Variants in INTS10 observed in about 807,000 individuals in gnomAD.
INTS10 encodes integrator complex subunit 10, also known as chromosome 8 open reading frame 35.
In INTS10, 44 loss-of-function variants were observed where a neutral mutation model predicts 94.4. The ratio of observed to expected loss-of-function variants is 0.47; its 90% CI spans 0.37 to 0.60. The LOEUF is 0.60. INTS10 is among the 20% of genes least tolerant of loss of function. The pLI is 0.00. For missense variants in INTS10, 797 were observed against 868.7 expected, an observed-to-expected ratio of 0.92 and a Z score of 1.04; for synonymous variants, 341 against 320.7, an observed-to-expected ratio of 1.06 and a Z score of -0.68.
At chr8:19,818,498 A>G (rs80016347) in intron 2 of INTS10, 156 bp downstream of exon 2, 10,305 of 655,576 alleles carry the variant, frequency 0.016, 134 homozygotes, top group Middle Eastern at 0.044. Flanking sequence ...CCTGCCATAA[A>G]TTGCTGACAT....
In INTS10 at chr8:19,820,436, A is replaced by G; in HGVS notation, c.359A>G (p.Glu120Gly). The G allele has an allele frequency of 1.9e-6, 3 of 1,613,782 alleles. No homozygotes were observed. Among genetic ancestry groups the G allele is most frequent in the Non-Finnish European group, 2.5e-6 (3 of 1,179,670 alleles). Residue 120 changes from glutamate to glycine, a missense_variant, in exon 4 of 17, where the codon GAA becomes GGA. Glu to Gly is a moderately conservative substitution (Grantham distance 98). Coordinates refer to ENST00000397977, the MANE Select transcript of INTS10 (RefSeq NM_018142.4). ...VQCEMLLKVTEQCFNTLERSE... is the reference protein window; with the variant it reads ...VQCEMLLKVTGQCFNTLERSE... The stretch of plus-strand genomic sequence containing the variant: ...TGTGAAATGTTACTAAAGGTCACGG[A>G]ACAATGCTTCAACACGTTAGAACGA...
chr8:19,832,532 T>G (rs1294894027), intron 11 of INTS10, among the ~76,000 whole-genome samples: 1 of 152,132 alleles, frequency 6.6e-6, no homozygotes, highest in Non-Finnish European at 1.5e-5. Flanking sequence ...ATAGCGCCAC[T>G]GCACCCCAGC....
rs2068599396 is a variant in INTS10, at chr8:19,846,479, G to T, written c.1976+682G>T. Among the ~76,000 whole-genome samples, 2 of 151,736 alleles carry T rather than the reference G, an allele frequency of 1.3e-5. No homozygotes were observed. Among genetic ancestry groups the T allele is most frequent in the Non-Finnish European group, 2.9e-5 (2 of 67,940 alleles). Reference sequence around the variant, plus strand: ...AAAACAGCTGTGCTTAATTAAAATTGTGCTGGGTTAGAAAAATTCTTTAGG... The same window carrying T: ...AAAACAGCTGTGCTTAATTAAAATTTTGCTGGGTTAGAAAAATTCTTTAGG... On this transcript the variant is annotated intron_variant, in intron 16 of 16. Transcript: ENST00000397977. The surrounding 1 kb of genome is among the most constrained non-coding windows in gnomAD (Gnocchi z 4.2).
Position 19,820,459 on chromosome 8 carries a change from C to A in INTS10, c.382C>A (p.Arg128=), listed in dbSNP as rs1255223467. ...GGAACAATGCTTCAACACGTTAGAA[C>A]GATCAGAAATGTTGCTTCTACTTTT... ...VTEQCFNTLE[R]SEMLLLLLRR... is the part of the protein sequence containing the mutation. The change falls in exon 4 of 17, where the codon CGA becomes AGA. Residue 128 remains arginine, a synonymous_variant. Transcript: ENST00000397977. 1.2e-6 allele frequency: 2 copies of A among 1,613,058 alleles called. No individual in the cohort carries two copies. The highest frequency in any genetic ancestry group is 1.7e-6 in the Non-Finnish European group (2 of 1,179,272).
At chr8:19,819,475 G>T in intron 2 of INTS10, 98 bp from the exon 3 acceptor site, 1 of 813,532 alleles carries the variant, frequency 1.2e-6, no homozygotes, top group Non-Finnish European at 1.9e-6. Context: ...GCATTCACTT[G>T]GAATAAAGGA....
At chr8:19,845,546 A>T (rs2068504548) in intron 15 of INTS10, 158 bp from the exon 16 acceptor site, 1 of 615,356 alleles carries the variant, frequency 1.6e-6, no homozygotes, top group Non-Finnish European at 2.9e-6. Flanking sequence ...TGGGCAAGTT[A>T]CTCAACTGCC....
At chr8:19,828,006 T>G (rs913350286) in intron 9 of INTS10, among the ~76,000 whole-genome samples, 2 of 151,840 alleles carry the variant, frequency 1.3e-5, no homozygotes, top group African/African-American at 4.8e-5. Flanking sequence ...CCCAGGAGTT[T>G]AAGACCCACC....
In INTS10 at chr8:19,843,331, C is replaced by T. The variant is rs374327818; in HGVS notation, c.1719+404C>T. On this transcript the variant is annotated intron_variant, in intron 14 of 16. Transcript: ENST00000397977. The surrounding 1 kb of genome is among the most constrained non-coding windows in gnomAD (Gnocchi z 4.7). Reference sequence around the variant, plus strand: ...AGCATGTTAGGTGTTGAGATCAACACCAGTAACAGCCCAACAGTTGGGAAA... The same window carrying T: ...AGCATGTTAGGTGTTGAGATCAACATCAGTAACAGCCCAACAGTTGGGAAA... Among the ~76,000 whole-genome samples the T allele has an allele frequency of 9.9e-5, 15 of 152,144 alleles. No homozygotes were observed. The highest frequency in any genetic ancestry group is 3.6e-4 in the African/African-American group (15 of 41,434).
intron 12 of INTS10, 57 bp from the exon 13 acceptor site, chr8:19,836,995 T>C: frequency 8.8e-7 from 1 of 1,130,876 alleles, no homozygotes; most frequent in South Asian, 1.2e-5. Context: ...TGGTACTTTA[T>C]TTGATTTCAG....
intron 2 of INTS10, among the ~76,000 whole-genome samples, chr8:19,819,131 T>C (rs1028145383): frequency 6.6e-6 from 1 of 152,198 alleles, no homozygotes; most frequent in Admixed American, 6.5e-5. Flanking sequence ...CACTGGATAT[T>C]ATTAGTCTCT....
intron 12 of INTS10, among the ~76,000 whole-genome samples, 161 bp from the exon 13 acceptor site, chr8:19,836,891 T>G (rs1404927048): frequency 6.6e-6 from 1 of 152,250 alleles, no homozygotes; most frequent in Non-Finnish European, 1.5e-5. Context: ...TTACTCTTTC[T>G]GTATTCACTA....
Position 19,824,968 on chromosome 8 carries a change from C to G in INTS10, c.1002C>G (p.Phe334Leu). ...TCAACAGCATACAGCCATCTCTCTT[C>G]CAAGGTTGGTTTACAAATTTTAGAG... ...QYVNSIQPSL[F>L]QGPNAPSQVP... is the part of the protein sequence containing the mutation. The change falls in exon 8 of 17, where the codon TTC (phenylalanine) becomes TTG (leucine). Residue 334 changes from phenylalanine to leucine, a missense_variant. Phe to Leu is a conservative substitution (Grantham distance 22, BLOSUM62 0). Around this residue, in one of 3 missense-constraint regions of INTS10, gnomAD observed 734 missense variants for 787.8 expected, o/e 0.93. Transcript: ENST00000397977. 1 of 1,613,450 alleles carries G rather than the reference C, an allele frequency of 6.2e-7. No individual in the cohort carries two copies. The highest frequency in any genetic ancestry group is 8.5e-7 in the Non-Finnish European group (1 of 1,179,746).
chr8:19,844,381 G>A, intron 15 of INTS10, 143 bp downstream of exon 15: 1 of 646,526 alleles, frequency 1.5e-6, no homozygotes, highest in Non-Finnish European at 2.6e-6. Context: ...ATTAAAACTG[G>A]GGCTGTGGCA....
intron 16 of INTS10, among the ~76,000 whole-genome samples, chr8:19,850,187 A>G (rs1350710626): frequency 2.6e-5 from 4 of 152,036 alleles, no homozygotes; most frequent in Non-Finnish European, 5.9e-5. Flanking sequence ...CCCTTTAGCT[A>G]ACTGTCTGCA....
chr8:19,828,259 C>T (rs79550636), intron 9 of INTS10, among the ~76,000 whole-genome samples: 18,559 of 152,152 alleles, frequency 0.12, 1,137 homozygotes, highest in East Asian at 0.16. Flanking sequence ...CATAACAATC[C>T]AGATTTCTGA....
intron 12 of INTS10, among the ~76,000 whole-genome samples, chr8:19,834,613 T>A (rs1161380841): frequency 6.6e-6 from 1 of 152,186 alleles, no homozygotes; most frequent in East Asian, 1.9e-4. Flanking sequence ...CAGACTCATT[T>A]CCTTTGAGGG....
At chr8:19,829,791 C>T (rs1182661120) in intron 9 of INTS10, among the ~76,000 whole-genome samples, 1 of 152,128 alleles carries the variant, frequency 6.6e-6, no homozygotes, top group African/African-American at 2.4e-5. Flanking sequence ...GTCTCAACCT[C>T]CTGAGTAGCT....
At chr8:19,841,824 C>T (rs2068153113) in intron 13 of INTS10, 1 of 455,830 alleles carries the variant, frequency 2.2e-6, no homozygotes, top group African/African-American at 2.0e-5. Context: ...TTTTCATTTA[C>T]AGGGTCATGA....
chr8:19,836,441 T>C (rs1204820592), intron 12 of INTS10, among the ~76,000 whole-genome samples: 1 of 152,210 alleles, frequency 6.6e-6, no homozygotes, highest in East Asian at 1.9e-4. Flanking sequence ...CAGTGTCTCA[T>C]CTGTGTCCTA....
Sources: allele counts gnomAD v4.1 joint callset (sites outside exome capture counted in the v4.1 genomes callset), GRCh38; gene constraint gnomAD v4.1.1; regional missense constraint gnomAD v4.1.1; non-coding constraint Gnocchi (gnomAD v3.1); transcripts MANE v1.5; gene names NCBI Gene and HGNC (gene_info 2026-07-23, HGNC 2026-07-21).